The following CSMD3 variants were observed in gnomAD, a reference collection of about 807,000 sequenced individuals.
The protein encoded by CSMD3 is CUB and sushi domain-containing protein 3.
Under a neutral mutation model 435.2 loss-of-function variants are expected in CSMD3, and 177 were observed. That is an observed-to-expected ratio of 0.41 (90% CI 0.36 to 0.46). The LOEUF (loss-of-function observed/expected upper bound fraction) is 0.46, where lower values mean the gene tolerates loss of function less well. Ranked by LOEUF, CSMD3 falls within the 20% of genes least tolerant of loss-of-function variation. The probability of loss-of-function intolerance (pLI) is 0.34; values close to 1 mark genes in which losing one functional copy is unlikely to be tolerated. For synonymous variants in CSMD3, 1,656 were observed against 1,520.5 expected (o/e 1.09, Z -2.07); for missense variants, 4,265 against 4,504.6 (o/e 0.95, Z 1.52).
chr8:112,827,164 AATATAT>A (rs3047126), intron 12 of CSMD3, among the ~76,000 whole-genome samples: 1,753 of 82,650 alleles, frequency 0.021, 43 homozygotes, highest in African/African-American at 0.05. Context: ...GGTTACCATA[AATATAT>A]ATATATATAT....
At chr8:113,111,183 C>A (rs2090628113) in intron 4 of CSMD3, among the ~76,000 whole-genome samples, 1 of 152,044 alleles carries the variant, frequency 6.6e-6, no homozygotes, top group South Asian at 2.1e-4. Flanking sequence ...ATTCCCAGGT[C>A]AGAAGTTTTC....
intron 38 of CSMD3, among the ~76,000 whole-genome samples, chr8:112,374,855 A>G (rs181232788): frequency 3.9e-3 from 588 of 152,132 alleles, no homozygotes; most frequent in Non-Finnish European, 6.0e-3. Flanking sequence ...TTGTTTGTTT[A>G]TTTTTCTCTT....
intron 5 of CSMD3, among the ~76,000 whole-genome samples, chr8:113,041,162 C>T (rs1446700810): frequency 2.2e-5 from 3 of 136,206 alleles, no homozygotes; most frequent in Non-Finnish European, 3.0e-5. Context: ...GCCGAGATCG[C>T]GACACTGCAC....
rs756204855 is a variant in CSMD3 at position 113,216,193 on chromosome 8, T to C, written c.515-42277A>G. 4.3e-4 allele frequency among the ~76,000 whole-genome samples: 65 copies of C among 151,904 alleles called. 1 individual carries two copies. Among genetic ancestry groups the C allele is most frequent in the Non-Finnish European group, 4.3e-4 (29 of 67,892 alleles). ...CATAAGAAATAATTACATTAATTAT[T>C]GCTCAGTCATACAATTAAATTGATC... On this transcript the variant is annotated intron_variant, in intron 3 of 70. Coordinates refer to ENST00000297405, the MANE Select transcript of CSMD3 (RefSeq NM_198123.2).
intron 35 of CSMD3, among the ~76,000 whole-genome samples, chr8:112,396,273 T>C (rs1302684429): frequency 6.6e-6 from 1 of 152,170 alleles, no homozygotes; most frequent in Admixed American, 6.6e-5. Context: ...TGACTTGGCT[T>C]AAGTTATTAA....
intron 4 of CSMD3, among the ~76,000 whole-genome samples, chr8:113,116,733 C>T (rs556950679): frequency 6.6e-6 from 1 of 152,138 alleles, no homozygotes; most frequent in South Asian, 2.1e-4. Flanking sequence ...TTTGAAACTT[C>T]CTAGAGAGTT....
chr8:112,258,956 G>A (rs938240178), intron 61 of CSMD3, among the ~76,000 whole-genome samples: 9 of 152,008 alleles, frequency 5.9e-5, no homozygotes, highest in African/African-American at 9.6e-5. Context: ...GGAGAATGGC[G>A]AGAACCCGGG....
At chr8:112,572,545 T>G (rs1366531087) in intron 24 of CSMD3, among the ~76,000 whole-genome samples, 2 of 152,084 alleles carry the variant, frequency 1.3e-5, no homozygotes, top group Non-Finnish European at 2.9e-5. Context: ...CTTTTTAACT[T>G]CTTAGTTTCT....
intron 3 of CSMD3, among the ~76,000 whole-genome samples, chr8:113,218,131 G>A (rs924048398): frequency 2.3e-4 from 34 of 149,140 alleles, no homozygotes; most frequent in Non-Finnish European, 3.9e-4. Context: ...TTAATATTGG[G>A]GACGATATAA....
chr8:113,194,607 T>C (rs185177869), intron 3 of CSMD3, among the ~76,000 whole-genome samples: 2 of 151,382 alleles, frequency 1.3e-5, no homozygotes, highest in Admixed American at 6.6e-5. Flanking sequence ...ATCATTCTGA[T>C]ACAGAATGCT....
intron 6 of CSMD3, among the ~76,000 whole-genome samples, chr8:112,999,129 G>C (rs2085766056): frequency 6.6e-6 from 1 of 151,754 alleles, no homozygotes; most frequent in Non-Finnish European, 1.5e-5. Context: ...ATATAGCAGT[G>C]TACAAAAGAG....
chr8:113,345,641 T>G (rs1419523851), intron 1 of CSMD3, among the ~76,000 whole-genome samples: 1 of 152,106 alleles, frequency 6.6e-6, no homozygotes, highest in Non-Finnish European at 1.5e-5. Context: ...TTACCTTATT[T>G]GTCATTTTAT....
rs1812419877 is a variant in CSMD3 at position 112,224,797 on chromosome 8, A to G, written c.11098T>C (p.Leu3700=). The G allele has an allele frequency of 6.2e-7, 1 of 1,614,034 alleles. No homozygotes were observed. The highest frequency in any genetic ancestry group is 8.5e-7 in the Non-Finnish European group (1 of 1,179,914). ...TATACCATTGTGCAAACCGTGTTCAAGTTGGGATCAAATCGTACCGCCTTC... is the reference window on the plus strand; with the variant it reads ...TATACCATTGTGCAAACCGTGTTCAGGTTGGGATCAAATCGTACCGCCTTC... ...EGKAVRFDPN[L]NTVCTMV The change falls in exon 71 of 71, where the codon TTG becomes CTG. Residue 3700 remains leucine (L), a synonymous_variant. Transcript: ENST00000297405.
chr8:112,564,916 A>C (rs768523718), intron 24 of CSMD3, among the ~76,000 whole-genome samples: 4 of 152,080 alleles, frequency 2.6e-5, no homozygotes, highest in Non-Finnish European at 4.4e-5. Context: ...AACATTTTAA[A>C]GTTTTGATAT....
intron 14 of CSMD3, among the ~76,000 whole-genome samples, chr8:112,688,496 T>A (rs930595603): frequency 6.6e-6 from 1 of 152,156 alleles, no homozygotes; most frequent in Non-Finnish European, 1.5e-5. Flanking sequence ...GAATTTTGAC[T>A]AAAATTGCAA....
At chr8:112,330,760 A>G (rs563363728) in intron 45 of CSMD3, among the ~76,000 whole-genome samples, 122 of 152,206 alleles carry the variant, frequency 8.0e-4, no homozygotes, top group African/African-American at 2.9e-3. Context: ...AATCACTTTG[A>G]CTAAATTTTT....
At chr8:112,849,309 T>A (rs1179601492) in intron 11 of CSMD3, among the ~76,000 whole-genome samples, 3 of 152,030 alleles carry the variant, frequency 2.0e-5, no homozygotes, top group African/African-American at 7.2e-5. Flanking sequence ...AATAACTCAA[T>A]ATTGATAAAA....
intron 20 of CSMD3, among the ~76,000 whole-genome samples, chr8:112,641,664 C>A (rs2074831866): frequency 6.6e-6 from 1 of 151,758 alleles, no homozygotes; most frequent in Non-Finnish European, 1.5e-5. Flanking sequence ...TGGTGGAATC[C>A]CAACTCTACA....
intron 5 of CSMD3, among the ~76,000 whole-genome samples, chr8:113,046,605 A>C (rs983016935): frequency 1.3e-5 from 2 of 152,126 alleles, no homozygotes; most frequent in African/African-American, 4.8e-5. Context: ...TTCTCCACCA[A>C]CAACCTATAT....
Sources: gnomAD v4.1 joint callset for allele counts (sites outside exome capture counted in the v4.1 genomes callset) on GRCh38, gnomAD v4.1.1 for gene constraint, MANE v1.5 for transcripts, NCBI Gene and HGNC (gene_info 2026-07-23, HGNC 2026-07-21) for gene names.